The following FRY variants were observed in gnomAD, a reference collection of about 807,000 sequenced individuals.
FRY encodes the protein FRY microtubule binding protein.
FRY carries 128 observed loss-of-function variants against 348.4 expected under a neutral mutation model. The observed-to-expected ratio is 0.37, with a 90% CI of 0.32 to 0.43. The LOEUF (loss-of-function observed/expected upper bound fraction) is 0.43. FRY is among the 20% of genes least tolerant of loss of function. The pLI, the probability that FRY is intolerant of heterozygous loss-of-function variation, is 1.00. For synonymous variants in FRY, 1,370 were observed against 1,374.7 expected, an observed-to-expected ratio of 1.00 and a Z score of 0.08; for missense variants, 2,736 against 3,695.2, an observed-to-expected ratio of 0.74 and a Z score of 6.73.
intron 4 of FRY, among the ~76,000 whole-genome samples, chr13:32,122,030 A>G (rs1252844561): frequency 1.3e-5 from 2 of 152,180 alleles, no homozygotes; most frequent in Admixed American, 6.5e-5. Flanking sequence ...ATTTGTTGAA[A>G]AGGGTGCCCT....
chr13:32,176,044 G>A (rs1882339915), intron 20 of FRY, among the ~76,000 whole-genome samples: 2 of 152,098 alleles, frequency 1.3e-5, no homozygotes, highest in Non-Finnish European at 2.9e-5. Context: ...CACAGTTACT[G>A]AAACTCAAAA....
chr13:32,254,182 A>T (rs1281071000), intron 50 of FRY, 42 bp from the exon 51 acceptor site: 1 of 1,607,244 alleles, frequency 6.2e-7, no homozygotes, highest in African/African-American at 1.3e-5. Context: ...ACAAACAACC[A>T]AAGGGAGAAC....
intron 51 of FRY, 31 bp from the exon 52 acceptor site, chr13:32,261,585 C>T (rs1887651504): frequency 6.3e-7 from 1 of 1,586,696 alleles, no homozygotes; most frequent in South Asian, 1.1e-5. Flanking sequence ...AGGATTTTGG[C>T]ATAAAAAACC....
Position 32,178,972 on chromosome 13 carries a change from G to A in FRY, c.2810G>A (p.Arg937Lys). 2.5e-6 allele frequency: 4 copies of A among 1,613,934 alleles called. No homozygotes were observed. Among genetic ancestry groups the A allele is most frequent in the Non-Finnish European group, 3.4e-6 (4 of 1,179,862 alleles). ...KPSIMSPGHL[R>K]ASTPEIMATT... The stretch of plus-strand genomic sequence containing the variant: ...AGTATTATGAGCCCAGGACACTTAA[G>A]AGCTTCCACTCCAGAAATAATGGCG... The change falls in exon 22 of 61, where the codon AGA becomes AAA. Residue 937 changes from arginine to lysine, a missense_variant. This residue lies in a region of FRY where 449 missense variants were observed against 576.9 expected (regional missense o/e 0.78). Transcript: ENST00000542859.
At position 32,202,432 on chromosome 13, in the gene FRY, A is replaced by G; in HGVS notation, c.3923A>G (p.His1308Arg). The G allele has an allele frequency of 3.1e-6, 5 of 1,613,972 alleles. No homozygotes were observed. The highest frequency in any genetic ancestry group is 4.2e-6 in the Non-Finnish European group (5 of 1,179,896). ...CCGGGAAGTATTCTCTATGGAACAC[A>G]CGGCCCGCTGCCACCCCTCTACAGC... ...QRPGSILYGT[H>R]GPLPPLYSVS... Residue 1308 changes from histidine (H) to arginine (R), a missense_variant, in exon 31 of 61, where the codon CAC (histidine) becomes CGC (arginine). Physicochemically the swap from His to Arg is conservative, Grantham distance 29. This residue lies in a region of FRY where 794 missense variants were observed against 977.0 expected (regional missense o/e 0.81). Coordinates refer to ENST00000542859, the MANE Select transcript of FRY (RefSeq NM_023037.3).
intron 39 of FRY, among the ~76,000 whole-genome samples, 178 bp from the exon 40 acceptor site, chr13:32,228,278 T>TTCCTAAAC: frequency 6.6e-6 from 1 of 152,164 alleles, no homozygotes; most frequent in East Asian, 1.9e-4. Flanking sequence ...TGCAACTGAT[T>TTCCTAAAC]TCCTAAACAA....
chr13:32,241,086 A>G (rs1886475429), intron 46 of FRY, among the ~76,000 whole-genome samples: 1 of 152,196 alleles, frequency 6.6e-6, no homozygotes, highest in Non-Finnish European at 1.5e-5. Flanking sequence ...TGCTGGTTTT[A>G]ATAGTCATCT....
At chr13:32,137,802 A>C (rs1372649102) in intron 11 of FRY, among the ~76,000 whole-genome samples, 1 of 152,232 alleles carries the variant, frequency 6.6e-6, no homozygotes, top group Non-Finnish European at 1.5e-5. Context: ...AGTTAGTTAC[A>C]AAATTTTGTA....
Position 32,125,983 on chromosome 13 carries a change from A to G in FRY, c.716+1108A>G, listed in dbSNP as rs1028731. Among the ~76,000 whole-genome samples the G allele has an allele frequency of 8.5e-3, 1,290 of 152,334 alleles. 13 individuals are homozygous for G. The highest frequency in any genetic ancestry group is 0.013 in the Non-Finnish European group (861 of 68,020). ...ATTAAACAATAGAGTGATCTGGGCC[A>G]TTTTGCATGAGGCTATATTGTAGTT... On this transcript the variant is annotated intron_variant, in intron 7 of 60. Coordinates refer to ENST00000542859, the MANE Select transcript of FRY (RefSeq NM_023037.3).
At chr13:32,057,635 C>G (rs1159169164) in intron 1 of FRY, among the ~76,000 whole-genome samples, 1 of 152,172 alleles carries the variant, frequency 6.6e-6, no homozygotes, top group Non-Finnish European at 1.5e-5. Context: ...AAGGTAGATG[C>G]ATTGGGTTCA....
intron 57 of FRY, among the ~76,000 whole-genome samples, chr13:32,278,034 C>T (rs1455658781): frequency 6.6e-6 from 1 of 152,202 alleles, no homozygotes; most frequent in African/African-American, 2.4e-5. Context: ...TGCCCCATAG[C>T]AGATGCAGCC....
intron 1 of FRY, among the ~76,000 whole-genome samples, chr13:32,049,508 C>T (rs946971727): frequency 1.3e-5 from 2 of 152,100 alleles, no homozygotes; most frequent in African/African-American, 4.8e-5. Context: ...GATCTCAGCT[C>T]ACTGCAAGCT....
intron 46 of FRY, among the ~76,000 whole-genome samples, chr13:32,242,265 C>G (rs1886548653): frequency 6.6e-6 from 1 of 152,104 alleles, no homozygotes; most frequent in African/African-American, 2.4e-5. Flanking sequence ...ATTATTCAGT[C>G]CTGTGGCATG....
intron 14 of FRY, among the ~76,000 whole-genome samples, chr13:32,150,939 G>T (rs1170865278): frequency 6.6e-6 from 1 of 152,226 alleles, no homozygotes; most frequent in African/African-American, 2.4e-5. Flanking sequence ...CTGGTGTCCA[G>T]TGACCTCACA....
intron 44 of FRY, among the ~76,000 whole-genome samples, chr13:32,238,609 G>A (rs1303839405): frequency 1.3e-5 from 2 of 151,968 alleles, no homozygotes; most frequent in Non-Finnish European, 2.9e-5. Flanking sequence ...ACGCCACCAC[G>A]CCCAGCTAAG....
chr13:32,149,901 G>A lies in FRY; in HGVS notation c.1479+67G>A, dbSNP rs939272579. The A allele has an allele frequency of 7.2e-6, 7 of 976,586 alleles. No individual in the cohort carries two copies. In the East Asian group the frequency reaches 1.7e-4, roughly 23 times the overall value. 60.5% of individuals were successfully genotyped at this position (976,586 alleles called of 1,614,324 possible). A position where few individuals can be genotyped will look rare whatever the true frequency, so the allele number is the denominator to read the frequency against. On this transcript the variant is annotated intron_variant, in intron 14 of 60. Transcript: ENST00000542859. ...TCCGGAGCCATACCTTTGCTTTGCG[G>A]CTTTGGAGAATGGGATGAGGGATGT... is the stretch of plus-strand genomic sequence containing the variant.
At chr13:32,273,412 C>A (rs1057234721) in intron 55 of FRY, among the ~76,000 whole-genome samples, 4 of 151,990 alleles carry the variant, frequency 2.6e-5, no homozygotes, top group Admixed American at 6.5e-5. Context: ...TTAGTAGAGA[C>A]GGGGTTTCAC....
At chr13:32,134,079 G>T (rs1879549343) in intron 8 of FRY, among the ~76,000 whole-genome samples, 2 of 152,254 alleles carry the variant, frequency 1.3e-5, no homozygotes, top group South Asian at 4.1e-4. Flanking sequence ...GCATCTGGCT[G>T]CCCTGGACTC....
chr13:32,236,003 C>T, intron 42 of FRY, 75 bp from the exon 43 acceptor site: 1 of 1,045,310 alleles, frequency 9.6e-7, no homozygotes, highest in Non-Finnish European at 1.5e-6. Flanking sequence ...ATACAGTTTA[C>T]ATTAATTAAA....
Sources: allele counts gnomAD v4.1 joint callset (sites outside exome capture counted in the v4.1 genomes callset), GRCh38; gene constraint gnomAD v4.1.1; regional missense constraint gnomAD v4.1.1; transcripts MANE v1.5; gene names NCBI Gene and HGNC (gene_info 2026-07-23, HGNC 2026-07-21).